The following RADIL variants were observed in gnomAD, a reference collection of about 807,000 sequenced individuals.
RADIL encodes the protein Rap associating with DIL domain, also known as ras-associating and dilute domain-containing protein.
RADIL carries 99 observed loss-of-function variants against 97.6 expected under a neutral mutation model. That is an observed-to-expected ratio of 1.01 (90% confidence interval 0.86 to 1.20). RADIL has a LOEUF of 1.20. Ranked by LOEUF, RADIL falls within the 50% of genes most tolerant of loss-of-function variation. The pLI is 0.00. For missense variants in RADIL, 1,765 were observed against 1,498.9 expected (o/e 1.18, Z -2.93); for synonymous variants, 803 against 691.8 (o/e 1.16, Z -2.52).
intron 2 of RADIL, chr7:4,859,489 C>G (rs1051111502): frequency 5.8e-5 from 10 of 173,758 alleles, no homozygotes; most frequent in African/African-American, 2.4e-4. Flanking sequence ...GTACCTCTAG[C>G]TGTCACATAC....
intron 2 of RADIL, among the ~76,000 whole-genome samples, chr7:4,838,823 A>T (rs1783368328): frequency 2.0e-5 from 3 of 152,230 alleles, no homozygotes. Context: ...AGCAGCAGCC[A>T]CTGCCAATAC....
rs1354813203 is a variant in RADIL at position 4,797,998 on chromosome 7, T to G, written c.*1380A>C. 2 of 147,306 alleles carry G rather than the reference T, an allele frequency of 1.4e-5. No homozygotes were observed. Among genetic ancestry groups the G allele is most frequent in the African/African-American group, 5.1e-5 (2 of 39,110 alleles). The allele number at this position is 147,306 out of a possible 1,614,324, so 9.1% of individuals were successfully genotyped here. A position where few individuals can be genotyped will look rare whatever the true frequency, so the allele number is the denominator to read the frequency against. On this transcript the variant is annotated 3_prime_UTR_variant, in exon 15 of 15. Transcript: ENST00000399583. ...CATAAAAAAAAATTAAATATTTATA[T>G]TTTATATAATAAAATATAAAAAATG...
Position 4,854,774 on chromosome 7 carries a change from T to C in RADIL, c.536-18169A>G, listed in dbSNP as rs1332516278. Among the ~76,000 whole-genome samples, 2 of 152,182 alleles carry C rather than the reference T, an allele frequency of 1.3e-5. No homozygotes were observed. Among genetic ancestry groups the C allele is most frequent in the African/African-American group, 2.4e-5 (1 of 41,442 alleles). On this transcript the variant is annotated intron_variant, in intron 2 of 14. Transcript: ENST00000399583. This position sits in a 1 kb window ranked among gnomAD's most constrained non-coding sequence, Gnocchi z 5.1. The stretch of plus-strand genomic sequence containing the variant: ...TTATATTTCACACATATGAAAGCAT[T>C]TGTAACTTAGACTAATAACAAAATA...
At chr7:4,799,531 G>A in intron 14 of RADIL, 48 bp from the exon 15 acceptor site, 1 of 1,613,032 alleles carries the variant, frequency 6.2e-7, no homozygotes, top group Non-Finnish European at 8.5e-7. Context: ...CACCAGGGGA[G>A]ACCCACAGGG....
chr7:4,855,620 TAAAAA>T (rs760588803), intron 2 of RADIL, among the ~76,000 whole-genome samples: 1,160 of 88,148 alleles, frequency 0.013, 27 homozygotes, highest in South Asian at 0.065. Context: ...TTTATTTTTG[TAAAAA>T]AAAAAAAAAA....
rs1171897455 is a variant in RADIL, at chr7:4,837,172, G to T, written c.536-567C>A. 2.0e-5 allele frequency among the ~76,000 whole-genome samples: 3 copies of T among 152,142 alleles called. No homozygotes were observed. Among genetic ancestry groups the T allele is most frequent in the African/African-American group, 4.8e-5 (2 of 41,424 alleles). Reference sequence around the variant, plus strand: ...AGGCAGCCTGCCTGTCAAATCCTCAGGCTGAGGGGACCACGCCTCCCCTGC... The same window carrying T: ...AGGCAGCCTGCCTGTCAAATCCTCATGCTGAGGGGACCACGCCTCCCCTGC... On this transcript the variant is annotated intron_variant, in intron 2 of 14. Coordinates refer to ENST00000399583, the MANE Select transcript of RADIL (RefSeq NM_018059.5). The surrounding 1 kb of genome is among the most constrained non-coding windows in gnomAD (Gnocchi z 5.6).
chr7:4,846,179 G>A (rs1783567694), intron 2 of RADIL, among the ~76,000 whole-genome samples: 1 of 151,098 alleles, frequency 6.6e-6, no homozygotes, highest in Non-Finnish European at 1.5e-5. Context: ...CACCAGGCTG[G>A]AGTGCAGTGG....
chr7:4,800,898 C>CA (rs1380368656), intron 12 of RADIL, among the ~76,000 whole-genome samples: 1 of 152,224 alleles, frequency 6.6e-6, no homozygotes, highest in Non-Finnish European at 1.5e-5. Flanking sequence ...TCTGACTCTG[C>CA]ACACGCACCC....
intron 5 of RADIL, among the ~76,000 whole-genome samples, chr7:4,831,340 A>G (rs554236821): frequency 6.6e-6 from 1 of 152,160 alleles, no homozygotes; most frequent in East Asian, 1.9e-4. Flanking sequence ...ATGAGAACAC[A>G]TGGACACAGA....
At chr7:4,801,011 C>T (rs1002926655) in intron 12 of RADIL, among the ~76,000 whole-genome samples, 7 of 152,326 alleles carry the variant, frequency 4.6e-5, no homozygotes, top group Admixed American at 6.5e-5. Flanking sequence ...AGGCCAGCTG[C>T]GCACACACAC....
At chr7:4,856,250 C>T (rs1186325788) in intron 2 of RADIL, among the ~76,000 whole-genome samples, 1 of 152,058 alleles carries the variant, frequency 6.6e-6, no homozygotes, top group Non-Finnish European at 1.5e-5. Context: ...GCTGGGACTA[C>T]AGGTACATGC....
At chr7:4,827,279 C>T (rs1030782152) in intron 5 of RADIL, among the ~76,000 whole-genome samples, 3 of 141,296 alleles carry the variant, frequency 2.1e-5, no homozygotes, top group Non-Finnish European at 4.6e-5. Context: ...GCAGGAGAAT[C>T]GCTTGATCCT....
intron 5 of RADIL, among the ~76,000 whole-genome samples, chr7:4,831,051 C>T (rs1430277152): frequency 2.0e-5 from 3 of 150,750 alleles, no homozygotes; most frequent in Non-Finnish European, 4.4e-5. Context: ...ATCAGCTGGG[C>T]GTGGTGGTGC....
intron 12 of RADIL, among the ~76,000 whole-genome samples, chr7:4,800,620 C>G (rs1331124376): frequency 6.6e-6 from 1 of 152,118 alleles, no homozygotes; most frequent in Non-Finnish European, 1.5e-5. Flanking sequence ...TGTGCCACCT[C>G]CTCAGCAATC....
rs1781981383 is a variant in RADIL at position 4,798,609 on chromosome 7, T to A, written c.*769A>T. ...CAGCTGGTGGAGAGGGACGCTGGCC[T>A]CCTGCCCGGGTTAGGGCCGGTGGCC... is the stretch of plus-strand genomic sequence containing the variant. On this transcript the variant is annotated 3_prime_UTR_variant, in exon 15 of 15. Transcript: ENST00000399583. 1 of 152,764 alleles carries A rather than the reference T, an allele frequency of 6.5e-6. No individual in the cohort carries two copies. The highest frequency in any genetic ancestry group is 1.9e-4 in the East Asian group (1 of 5,180). The allele number at this position is 152,764 out of a possible 1,614,324, so 9.5% of individuals were successfully genotyped here. A position where few individuals can be genotyped will look rare whatever the true frequency, so the allele number is the denominator to read the frequency against.
chr7:4,799,262 CT>C lies in RADIL; in HGVS notation c.*115del. On this transcript the variant is annotated 3_prime_UTR_variant, in exon 15 of 15. Transcript: ENST00000399583. The stretch of plus-strand genomic sequence containing the variant: ...CAACAGGCATGTCCCCAGGGTGAGG[CT>C]CCCCACCCGGGACCCAACTTGGTCA... The C allele has an allele frequency of 1.1e-6, 1 of 906,074 alleles. No individual in the cohort carries two copies. Among genetic ancestry groups the C allele is most frequent in the Non-Finnish European group, 1.7e-6 (1 of 577,570 alleles). The allele number at this position is 906,074 out of a possible 1,614,324, so 56.1% of individuals were successfully genotyped here. A position where few individuals can be genotyped will look rare whatever the true frequency, so the allele number is the denominator to read the frequency against.
At chr7:4,871,972 T>G (rs998583728) in intron 2 of RADIL, among the ~76,000 whole-genome samples, 11 of 152,130 alleles carry the variant, frequency 7.2e-5, no homozygotes, top group Non-Finnish European at 1.3e-4. Context: ...CACGGTGATG[T>G]CCCTGTCTCC....
chr7:4,813,256 GGCGTTT>G lies in RADIL; in HGVS notation c.2139+2016_2139+2021del, dbSNP rs1782594940. Reference sequence around the variant, plus strand: ...AACCTCCCAAGTAGCTGGCACTACAGGCGTTTGCCCCATGCCTGCCTCTCACCCCAG... The same window carrying G: ...AACCTCCCAAGTAGCTGGCACTACAGGCCCCATGCCTGCCTCTCACCCCAG... On this transcript the variant is annotated intron_variant, in intron 9 of 14. Coordinates refer to ENST00000399583, the MANE Select transcript of RADIL (RefSeq NM_018059.5). This position sits in a 1 kb window ranked among gnomAD's most constrained non-coding sequence, Gnocchi z 5.0. 6.6e-6 allele frequency among the ~76,000 whole-genome samples: 1 copy of G among 152,142 alleles called. No individual in the cohort carries two copies. Among genetic ancestry groups the G allele is most frequent in the Admixed American group, 6.5e-5 (1 of 15,272 alleles).
At chr7:4,881,746 A>G (rs1784492492) in intron 1 of RADIL, among the ~76,000 whole-genome samples, 1 of 152,100 alleles carries the variant, frequency 6.6e-6, no homozygotes, top group African/African-American at 2.4e-5. Context: ...AAAAAAGACA[A>G]AAATTATAAA....
Sources: allele counts gnomAD v4.1 joint callset (sites outside exome capture counted in the v4.1 genomes callset), GRCh38; gene constraint gnomAD v4.1.1; non-coding constraint Gnocchi (gnomAD v3.1); transcripts MANE v1.5; gene names NCBI Gene and HGNC (gene_info 2026-07-23, HGNC 2026-07-21).